Variants in FOXP1 observed in about 807,000 individuals in gnomAD.
FOXP1 encodes the protein forkhead box protein P1.
Under a neutral mutation model 98.2 loss-of-function variants are expected in FOXP1, and 15 were observed. The observed-to-expected ratio is 0.15, with a 90% CI of 0.10 to 0.24. The LOEUF (loss-of-function observed/expected upper bound fraction) is 0.24, where lower values mean the gene tolerates loss of function less well. Among genes scored for constraint, FOXP1 ranks in the 10% least tolerant of loss-of-function variants. The pLI is 1.00. For synonymous variants in FOXP1, 371 were observed against 314.5 expected, an observed-to-expected ratio of 1.18 and a Z score of -1.90; for missense variants, 633 against 848.5, an observed-to-expected ratio of 0.75 and a Z score of 3.15.
intron 3 of FOXP1, among the ~76,000 whole-genome samples, chr3:71,410,695 A>T (rs2082664824): frequency 6.6e-6 from 1 of 152,160 alleles, no homozygotes; most frequent in African/African-American, 2.4e-5. Flanking sequence ...TACGTTTCTG[A>T]TCTCTTAGAG....
intron 7 of FOXP1, 93 bp downstream of exon 7, chr3:71,112,443 T>G: frequency 9.9e-7 from 1 of 1,011,932 alleles, no homozygotes; most frequent in East Asian, 2.4e-5. Flanking sequence ...TTTTCTTACA[T>G]GATTTGCAAT....
intron 2 of FOXP1, among the ~76,000 whole-genome samples, chr3:71,520,781 C>T (rs561873883): frequency 6.6e-6 from 1 of 152,174 alleles, no homozygotes; most frequent in Non-Finnish European, 1.5e-5. Flanking sequence ...TTGAAATTTT[C>T]GTGACATTTA....
intron 3 of FOXP1, among the ~76,000 whole-genome samples, chr3:71,423,483 G>A (rs13084840): frequency 0.047 from 7,115 of 152,238 alleles, 196 homozygotes; most frequent in Non-Finnish European, 0.053. Flanking sequence ...GTCTCCCCTC[G>A]CAAACTGCTC....
chr3:71,537,717 G>A (rs563043370), intron 2 of FOXP1, among the ~76,000 whole-genome samples: 3 of 152,328 alleles, frequency 2.0e-5, no homozygotes, highest in South Asian at 4.1e-4. Context: ...CTCCTCTAAT[G>A]AAGCTGCTAA....
chr3:71,047,030 C>T lies in FOXP1; in HGVS notation c.576G>A (p.Gln192=). The change falls in exon 10 of 21, where the codon CAG becomes CAA. Residue 192 remains glutamine (Q), a synonymous_variant. Transcript: ENST00000649528. ...QQQLLQMQQL[Q]QQHLLSLQRQ... ...GCTGCAAAGACAGGAGGTGCTGCTGCTGTAACTGCTGCATCTGTAAAAGCT... is the reference window on the plus strand; with the variant it reads ...GCTGCAAAGACAGGAGGTGCTGCTGTTGTAACTGCTGCATCTGTAAAAGCT... 6.2e-7 allele frequency: 1 copy of T among 1,614,094 alleles called. No individual in the cohort carries two copies. Among genetic ancestry groups the T allele is most frequent in the South Asian group, 1.1e-5 (1 of 91,080 alleles).
intron 7 of FOXP1, among the ~76,000 whole-genome samples, chr3:71,057,122 G>A (rs1471513180): frequency 6.6e-6 from 1 of 152,118 alleles, no homozygotes; most frequent in Non-Finnish European, 1.5e-5. Context: ...ACACAAGAGA[G>A]AGTGCTTTAG....
chr3:71,090,427 T>TG (rs1245506141), intron 7 of FOXP1, among the ~76,000 whole-genome samples: 1 of 152,064 alleles, frequency 6.6e-6, no homozygotes, highest in Admixed American at 6.5e-5. Context: ...GAACCACCCT[T>TG]GGGGGGAAAA....
chr3:71,098,646 A>G (rs2107650555), intron 7 of FOXP1, among the ~76,000 whole-genome samples: 1 of 152,280 alleles, frequency 6.6e-6, no homozygotes, highest in South Asian at 2.1e-4. Context: ...TCAGTCACTC[A>G]TTCATCACTC....
intron 4 of FOXP1, among the ~76,000 whole-genome samples, chr3:71,316,335 C>G (rs1035522393): frequency 1.3e-4 from 20 of 152,198 alleles, no homozygotes; most frequent in Admixed American, 6.5e-4. Context: ...TTCCCAGAGC[C>G]CTGCTCCAGG....
At chr3:71,097,044 A>G (rs2107640544) in intron 7 of FOXP1, among the ~76,000 whole-genome samples, 2 of 152,294 alleles carry the variant, frequency 1.3e-5, no homozygotes, top group South Asian at 4.1e-4. Flanking sequence ...GCCAGGGTAC[A>G]CTGGGATAAA....
At chr3:71,374,017 G>A (rs1005248158) in intron 3 of FOXP1, among the ~76,000 whole-genome samples, 1 of 152,162 alleles carries the variant, frequency 6.6e-6, no homozygotes, top group Non-Finnish European at 1.5e-5. Flanking sequence ...AAATACCACT[G>A]CAATGTGTGT....
At chr3:71,130,696 G>A in intron 6 of FOXP1, 1 of 1,562,636 alleles carries the variant, frequency 6.4e-7, no homozygotes, top group Non-Finnish European at 8.6e-7. Flanking sequence ...CCCTTTGTAG[G>A]CAACCTCAGG....
intron 7 of FOXP1, among the ~76,000 whole-genome samples, chr3:71,060,188 C>T (rs1445726967): frequency 1.3e-5 from 2 of 152,002 alleles, no homozygotes; most frequent in Non-Finnish European, 2.9e-5. Flanking sequence ...CATAGGTAGG[C>T]CAAAATTAGA....
chr3:71,107,375 A>AG (rs1158812585), intron 7 of FOXP1, among the ~76,000 whole-genome samples: 1 of 152,092 alleles, frequency 6.6e-6, no homozygotes, highest in Admixed American at 6.5e-5. Flanking sequence ...TTCTGGGAGG[A>AG]GGGGTCACTG....
chr3:71,422,508 G>A (rs531820698), intron 3 of FOXP1, among the ~76,000 whole-genome samples: 4 of 152,286 alleles, frequency 2.6e-5, no homozygotes, highest in South Asian at 2.1e-4. Context: ...CCTCCCCCAC[G>A]TCCTCACCTC....
At chr3:70,965,815 A>C in intron 20 of FOXP1, 75 bp downstream of exon 20, 2 of 1,423,312 alleles carry the variant, frequency 1.4e-6, no homozygotes, top group Non-Finnish European at 9.9e-7. Flanking sequence ...AGCCCAGAGA[A>C]AGGGCTGTCT....
chr3:71,076,204 A>G (rs564762492), intron 7 of FOXP1, among the ~76,000 whole-genome samples: 2 of 152,224 alleles, frequency 1.3e-5, no homozygotes, highest in Non-Finnish European at 2.9e-5. Flanking sequence ...CCCTGGCTCC[A>G]GAGAGGGCTC....
chr3:71,582,727 C>T, intron 1 of FOXP1: 1 of 985,230 alleles, frequency 1.0e-6, no homozygotes, highest in South Asian at 4.7e-5. Flanking sequence ...CTGTTGCGGA[C>T]TCGTCTCGGG....
chr3:71,268,430 G>A (rs925577112), intron 5 of FOXP1, among the ~76,000 whole-genome samples: 1 of 152,098 alleles, frequency 6.6e-6, no homozygotes. Context: ...GGGAAAGTTG[G>A]GGGGGTAGTG....
Sources: gnomAD v4.1 joint callset for allele counts (sites outside exome capture counted in the v4.1 genomes callset) on GRCh38, gnomAD v4.1.1 for gene constraint, MANE v1.5 for transcripts, NCBI Gene and HGNC (gene_info 2026-07-23, HGNC 2026-07-21) for gene names.